UPP2: variants seen among roughly 807,000 people sequenced by gnomAD.
The protein encoded by UPP2 is UPase 2.
A neutral mutation model predicts 26.7 loss-of-function variants in UPP2; 23 were observed. That is an observed-to-expected ratio of 0.86 (90% CI 0.62 to 1.22). The LOEUF (loss-of-function observed/expected upper bound fraction) is 1.22, where lower values mean the gene tolerates loss of function less well. UPP2 is among the 50% of genes most tolerant of loss of function. The pLI is 0.00. For missense variants in UPP2, 387 were observed against 396.7 expected, an observed-to-expected ratio of 0.98 and a Z score of 0.21; for synonymous variants, 127 against 141.3, an observed-to-expected ratio of 0.90 and a Z score of 0.72.
At chr2:158,011,089 C>T (rs1683569375) in intron 2 of UPP2, among the ~76,000 whole-genome samples, 1 of 152,118 alleles carries the variant, frequency 6.6e-6, no homozygotes, top group Non-Finnish European at 1.5e-5. Context: ...CTTAATAAAG[C>T]TTCTGATCTG....
intron 2 of UPP2, among the ~76,000 whole-genome samples, chr2:158,108,604 CAG>C (rs1029871098): frequency 2.8e-5 from 4 of 143,996 alleles, no homozygotes; most frequent in African/African-American, 1.2e-4. Context: ...CGCACACACA[CAG>C]ACACACACAC....
At chr2:158,132,492 C>A (rs943439525) in intron 6 of UPP2, among the ~76,000 whole-genome samples, 2 of 152,138 alleles carry the variant, frequency 1.3e-5, no homozygotes, top group East Asian at 1.9e-4. Context: ...CAAAAATAAT[C>A]CTAGCTCAAG....
At chr2:158,037,478 T>C (rs1340226169) in intron 3 of UPP2, among the ~76,000 whole-genome samples, 1 of 152,196 alleles carries the variant, frequency 6.6e-6, no homozygotes, top group Admixed American at 6.5e-5. Flanking sequence ...CACAGAAATG[T>C]ATTCTCTGAT....
At chr2:158,127,038 T>G (rs941455574) in intron 6 of UPP2, among the ~76,000 whole-genome samples, 1 of 152,234 alleles carries the variant, frequency 6.6e-6, no homozygotes, top group African/African-American at 2.4e-5. Context: ...CTAACTTAGA[T>G]GAATTACTCA....
intron 3 of UPP2, among the ~76,000 whole-genome samples, chr2:158,043,326 G>A (rs1039155367): frequency 3.9e-5 from 6 of 152,166 alleles, no homozygotes; most frequent in Non-Finnish European, 8.8e-5. Flanking sequence ...TGTCTGGAAG[G>A]TAGATTTAGG....
rs114159644 is a variant in UPP2 at position 158,108,841 on chromosome 2, C to T, written c.180+2625C>T. 2.3e-3 allele frequency among the ~76,000 whole-genome samples: 349 copies of T among 151,470 alleles called. 1 individual carries two copies. The highest frequency in any genetic ancestry group is 7.9e-3 in the African/African-American group (327 of 41,202). ...TTCAAACATGTTTTATCCCATCAAA[C>T]AGCAACTCTACTGATTGAGCCATTT... On this transcript the variant is annotated intron_variant, in intron 2 of 6. Coordinates refer to ENST00000005756, the MANE Select transcript of UPP2 (RefSeq NM_173355.4).
chr2:158,048,846 C>T (rs561878919), intron 3 of UPP2, among the ~76,000 whole-genome samples: 1 of 152,308 alleles, frequency 6.6e-6, no homozygotes, highest in East Asian at 1.9e-4. Context: ...CACATGAGGG[C>T]TAGAGGGGTG....
chr2:158,039,116 T>G (rs1574258234), intron 3 of UPP2, among the ~76,000 whole-genome samples: 1 of 152,152 alleles, frequency 6.6e-6, no homozygotes, highest in South Asian at 2.1e-4. Flanking sequence ...AATATTTGGG[T>G]GCGTGACGTA....
chr2:158,052,667 G>T (rs987230892), intron 3 of UPP2, among the ~76,000 whole-genome samples: 10 of 152,202 alleles, frequency 6.6e-5, no homozygotes, highest in African/African-American at 1.2e-4. Context: ...TTGTAGAATA[G>T]AATTAATATT....
chr2:158,124,007 T>C (rs990124888), intron 6 of UPP2, 112 bp downstream of exon 6: 7 of 1,177,552 alleles, frequency 5.9e-6, no homozygotes, highest in Non-Finnish European at 8.3e-6. Context: ...GCTGAAGGCA[T>C]GACTTATAAT....
upstream of UPP2, among the ~76,000 whole-genome samples, chr2:158,097,128 C>T (rs1682997858): frequency 6.6e-6 from 1 of 152,010 alleles, no homozygotes; most frequent in Admixed American, 6.6e-5. Flanking sequence ...AGTCATTACT[C>T]ATCTTCGAGC....
At chr2:158,042,799 G>A (rs952258953) in intron 3 of UPP2, among the ~76,000 whole-genome samples, 2 of 152,108 alleles carry the variant, frequency 1.3e-5, no homozygotes, top group African/African-American at 2.4e-5. Context: ...TGGAGAGGCC[G>A]GCGAGGATGC....
intron 6 of UPP2, among the ~76,000 whole-genome samples, chr2:158,134,343 T>C (rs1278107309): frequency 6.6e-6 from 1 of 152,186 alleles, no homozygotes; most frequent in Non-Finnish European, 1.5e-5. Context: ...AAATGTCACC[T>C]TGGGAATTAC....
intron 6 of UPP2, among the ~76,000 whole-genome samples, 175 bp from the exon 7 acceptor site, chr2:158,134,573 G>T (rs894615221): frequency 5.3e-5 from 8 of 152,106 alleles, no homozygotes; most frequent in African/African-American, 1.9e-4. Flanking sequence ...GTGTTTGGTG[G>T]GATTCCACAA....
chr2:158,073,841 G>A (rs1682583597), intron 3 of UPP2, among the ~76,000 whole-genome samples: 3 of 152,196 alleles, frequency 2.0e-5, no homozygotes, highest in Admixed American at 2.0e-4. Context: ...GCTAAAGGGA[G>A]TTCTTCAAAC....
chr2:158,061,688 C>A (rs983798994), intron 3 of UPP2, among the ~76,000 whole-genome samples: 1 of 152,206 alleles, frequency 6.6e-6, no homozygotes, highest in Non-Finnish European at 1.5e-5. Flanking sequence ...TCTTCTAGAT[C>A]ATTTGGATTA....
At chr2:158,049,652 C>T (rs1231780159) in intron 3 of UPP2, among the ~76,000 whole-genome samples, 3 of 152,290 alleles carry the variant, frequency 2.0e-5, no homozygotes, top group African/African-American at 7.2e-5. Context: ...CAGACTAATA[C>T]ACTCTGCGGG....
At chr2:158,072,897 A>C (rs1682566002) in intron 3 of UPP2, among the ~76,000 whole-genome samples, 1 of 152,062 alleles carries the variant, frequency 6.6e-6, no homozygotes, top group Non-Finnish European at 1.5e-5. Flanking sequence ...GACTACAATG[A>C]GTACCTAAAT....
At chr2:158,028,841 A>G (rs1683876048) in intron 3 of UPP2, among the ~76,000 whole-genome samples, 1 of 152,236 alleles carries the variant, frequency 6.6e-6, no homozygotes, top group Admixed American at 6.5e-5. Flanking sequence ...AGACCCCCTG[A>G]TAAAAGCATC....
Sources: allele counts gnomAD v4.1 joint callset (sites outside exome capture counted in the v4.1 genomes callset), GRCh38; gene constraint gnomAD v4.1.1; transcripts MANE v1.5; gene names NCBI Gene and HGNC (gene_info 2026-07-23, HGNC 2026-07-21).